The following DYNLT1 variants were observed in gnomAD, a reference collection of about 807,000 sequenced individuals.
The protein encoded by DYNLT1 is dynein light chain Tctex-type 1.
DYNLT1 carries 18 observed loss-of-function variants against 19.6 expected under a neutral mutation model. That is an observed-to-expected ratio of 0.92 (90% CI 0.64 to 1.36). DYNLT1 has a LOEUF of 1.36. Ranked by LOEUF, DYNLT1 falls within the 40% of genes most tolerant of loss-of-function variation. The pLI, the probability that DYNLT1 is intolerant of heterozygous loss-of-function variation, is 0.00. For synonymous variants in DYNLT1, 56 were observed against 44.0 expected (o/e 1.27, Z -1.07); for missense variants, 137 against 139.3 (o/e 0.98, Z 0.08).
In DYNLT1 at chr6:158,644,698, T is replaced by C. The variant is rs1365526693; in HGVS notation, c.11A>G (p.Tyr4Cys). Residue 4 changes from tyrosine to cysteine, a missense_variant, in exon 1 of 5, where the codon TAC becomes TGC. Transcript: ENST00000367089. Reference sequence around the variant, plus strand: ...GGCGGTTACCTCCTCCGCAGCCTGGTAGTCTTCCATCTTTCCTCCGGCGCG... The same window carrying C: ...GGCGGTTACCTCCTCCGCAGCCTGGCAGTCTTCCATCTTTCCTCCGGCGCG... The part of the protein sequence containing the change: MED[Y>C]QAAEETAFVV... The C allele has an allele frequency of 2.5e-6, 4 of 1,611,954 alleles. No homozygotes were observed. In the East Asian group the frequency reaches 6.7e-5, roughly 27 times the overall value.
At chr6:158,643,146 G>C (rs1228010165) in intron 1 of DYNLT1, among the ~76,000 whole-genome samples, 6 of 152,172 alleles carry the variant, frequency 3.9e-5, no homozygotes, top group Non-Finnish European at 5.9e-5. Flanking sequence ...TTATTTGTGG[G>C]AGTCAGAATC....
chr6:158,640,517 A>T (rs1787113320), intron 2 of DYNLT1, among the ~76,000 whole-genome samples: 1 of 152,090 alleles, frequency 6.6e-6, no homozygotes, highest in Non-Finnish European at 1.5e-5. Context: ...GCACCGCTCC[A>T]GCCACACCCA....
chr6:158,637,657 C>G (rs1169455958), intron 3 of DYNLT1, 114 bp downstream of exon 3: 2 of 1,553,914 alleles, frequency 1.3e-6, no homozygotes, highest in East Asian at 4.5e-5. Context: ...CCGACTCCCA[C>G]CAGGAGCCTT....
At chr6:158,639,808 G>T (rs902773496) in intron 2 of DYNLT1, among the ~76,000 whole-genome samples, 1 of 152,114 alleles carries the variant, frequency 6.6e-6, no homozygotes, top group Admixed American at 6.5e-5. Context: ...AGCCTCCCAA[G>T]GAGCTGGGAC....
rs768757152 is a variant in DYNLT1, at chr6:158,637,746, TATAAA to T, written c.193+20_193+24del. On this transcript the variant is annotated intron_variant, in intron 3 of 4. Coordinates refer to ENST00000367089, the MANE Select transcript of DYNLT1 (RefSeq NM_006519.4). ...CAGTGTTAAAAAACCATCCCGCAAA[TATAAA>T]AGAAACAAGACTCCATTACCGATGT... 19 of 1,614,032 alleles carry T rather than the reference TATAAA, an allele frequency of 1.2e-5. No homozygotes were observed. Among genetic ancestry groups the T allele is most frequent in the Non-Finnish European group, 1.4e-5 (17 of 1,179,982 alleles).
At position 158,637,966 on chromosome 6, in the gene DYNLT1, C is replaced by T. The variant is rs750569509; in HGVS notation, c.70-72G>A. 2.4e-4 allele frequency: 375 copies of T among 1,576,678 alleles called. 1 individual carries two copies. Among genetic ancestry groups the T allele is most frequent in the Non-Finnish European group, 1.9e-4 (220 of 1,165,830 alleles). ...ACACCACCTTTCAATCAGGAACTGA[C>T]GGCACCCCAAGAAGTGATTTATGAA... On this transcript the variant is annotated intron_variant, in intron 2 of 4. Transcript: ENST00000367089.
chr6:158,644,725 C>A lies in DYNLT1; in HGVS notation c.-17G>T, dbSNP rs535472521. On this transcript the variant is annotated 5_prime_UTR_variant, in exon 1 of 5. Coordinates refer to ENST00000367089, the MANE Select transcript of DYNLT1 (RefSeq NM_006519.4). ...GTCTTCCATCTTTCCTCCGGCGCGT[C>A]CCCTCCGGCTCCCTGAGTGGCGCGG... The A allele has an allele frequency of 1.9e-6, 3 of 1,610,764 alleles. No individual in the cohort carries two copies. Among genetic ancestry groups the A allele is most frequent in the Middle Eastern group, 1.7e-4 (1 of 6,058 alleles).
chr6:158,637,242 T>C (rs750589506), intron 3 of DYNLT1, 37 bp from the exon 4 acceptor site: 1 of 1,583,294 alleles, frequency 6.3e-7, no homozygotes, highest in Non-Finnish European at 8.7e-7. Context: ...AGAAGTCTAC[T>C]GGGTAACACA....
chr6:158,637,979 A>C (rs1293191372), intron 2 of DYNLT1, 85 bp from the exon 3 acceptor site: 3 of 1,552,620 alleles, frequency 1.9e-6, no homozygotes, highest in Non-Finnish European at 2.6e-6. Context: ...CACCCCAAGA[A>C]GTGATTTATG....
At chr6:158,637,962 C>T in intron 2 of DYNLT1, 68 bp from the exon 3 acceptor site, 1 of 1,578,696 alleles carries the variant, frequency 6.3e-7, no homozygotes, top group Non-Finnish European at 8.6e-7. Flanking sequence ...CAATCAGGAA[C>T]TGACGGCACC....
chr6:158,639,422 T>C (rs989988775), intron 2 of DYNLT1, among the ~76,000 whole-genome samples: 1 of 151,992 alleles, frequency 6.6e-6, no homozygotes, highest in Non-Finnish European at 1.5e-5. Context: ...CGTCAAAGGG[T>C]GGGGGAGGCT....
chr6:158,639,756 C>T (rs1305876303), intron 2 of DYNLT1, among the ~76,000 whole-genome samples: 1 of 152,176 alleles, frequency 6.6e-6, no homozygotes, highest in Non-Finnish European at 1.5e-5. Context: ...TCTTGGCTTA[C>T]TGCACCCTCC....
intron 1 of DYNLT1, among the ~76,000 whole-genome samples, chr6:158,643,762 T>G (rs1429140512): frequency 6.6e-6 from 1 of 152,230 alleles, no homozygotes; most frequent in African/African-American, 2.4e-5. Context: ...ATTACAGGCG[T>G]GAGCCACTGC....
chr6:158,637,560 T>A (rs777780129), intron 3 of DYNLT1: 5 of 518,722 alleles, frequency 9.6e-6, no homozygotes, highest in Non-Finnish European at 1.7e-5. Flanking sequence ...TGATGGGACC[T>A]CCTGTAAGAT....
intron 2 of DYNLT1, among the ~76,000 whole-genome samples, 190 bp downstream of exon 2, chr6:158,641,129 G>A (rs371311384): frequency 6.6e-6 from 1 of 152,092 alleles, no homozygotes; most frequent in Non-Finnish European, 1.5e-5. Flanking sequence ...CTCCTTATCT[G>A]ATTTAAAATA....
chr6:158,637,078 G>C (rs760167769), intron 4 of DYNLT1, 50 bp downstream of exon 4: 2 of 1,607,590 alleles, frequency 1.2e-6, no homozygotes, highest in Admixed American at 3.3e-5. Flanking sequence ...GAAACTTCCA[G>C]TCATATATTT....
At position 158,641,615 on chromosome 6, in the gene DYNLT1, A is replaced by G. The variant is rs143886611; in HGVS notation, c.28-255T>C. The G allele has an allele frequency of 2.5e-3, 619 of 252,058 alleles. 3 individuals are homozygous for G. Among genetic ancestry groups the G allele is most frequent in the African/African-American group, 0.013 (576 of 44,730 alleles). The allele number at this position is 252,058 out of a possible 1,614,324, so 15.6% of individuals were successfully genotyped here. A position where few individuals can be genotyped will look rare whatever the true frequency, so the allele number is the denominator to read the frequency against. ...GAGACGGAGTGTCGCTCTGTAGCCC[A>G]GGCTGGAATGCAGTGGCGCAATCTC... is the stretch of plus-strand genomic sequence containing the variant. On this transcript the variant is annotated intron_variant, in intron 1 of 4. Coordinates refer to ENST00000367089, the MANE Select transcript of DYNLT1 (RefSeq NM_006519.4).
chr6:158,637,160 G>C lies in DYNLT1; in HGVS notation c.239C>G (p.Ala80Gly), dbSNP rs1298368252. 6.2e-7 allele frequency: 1 copy of C among 1,614,252 alleles called. No individual in the cohort carries two copies. The highest frequency in any genetic ancestry group is 8.5e-7 in the Non-Finnish European group (1 of 1,180,038). ...MQKNGAGLHT[A>G]SSCFWDSSTD... ...AGAGCTGTCCCAGAAGCAGGAACTTGCTGTGTGTAATCCAGCTCCATTCTT... is the reference window on the plus strand; with the variant it reads ...AGAGCTGTCCCAGAAGCAGGAACTTCCTGTGTGTAATCCAGCTCCATTCTT... Residue 80 changes from alanine to glycine, a missense_variant, in exon 4 of 5, where the codon GCA becomes GGA. By Grantham distance (60) the Ala-to-Gly change is moderately conservative. Transcript: ENST00000367089.
intron 2 of DYNLT1, among the ~76,000 whole-genome samples, chr6:158,638,571 C>T (rs754406055): frequency 1.0e-3 from 137 of 134,702 alleles, no homozygotes; most frequent in Non-Finnish European, 1.9e-3. Context: ...AGCAATCCTC[C>T]CACCTCAGCT....
Sources: gnomAD v4.1 joint callset for allele counts (sites outside exome capture counted in the v4.1 genomes callset) on GRCh38, gnomAD v4.1.1 for gene constraint, MANE v1.5 for transcripts, NCBI Gene and HGNC (gene_info 2026-07-23, HGNC 2026-07-21) for gene names.